The following TSHZ2 variants were observed in gnomAD, a reference collection of about 807,000 sequenced individuals.
The protein encoded by TSHZ2 is teashirt homolog 2.
TSHZ2 carries 21 observed loss-of-function variants against 74.4 expected under a neutral mutation model. That is an observed-to-expected ratio of 0.28 (90% confidence interval 0.20 to 0.41). The LOEUF is 0.41. TSHZ2 is among the 10% of genes least tolerant of loss of function. The pLI is 1.00. For synonymous variants in TSHZ2, 540 were observed against 515.3 expected (o/e 1.05, Z -0.65); for missense variants, 1,244 against 1,293.5 (o/e 0.96, Z 0.59).
chr20:53,417,262 ACACACAC>A (rs1243897013), intron 2 of TSHZ2, among the ~76,000 whole-genome samples: 5 of 151,000 alleles, frequency 3.3e-5, no homozygotes, highest in African/African-American at 9.8e-5. Flanking sequence ...ACACACACAC[ACACACAC>A]ACACACACAC....
intron 2 of TSHZ2, among the ~76,000 whole-genome samples, chr20:53,266,778 T>A (rs1238771907): frequency 2.7e-5 from 4 of 147,428 alleles, no homozygotes; most frequent in African/African-American, 1.0e-4. Flanking sequence ...GACGATTTTT[T>A]TTTTTTTTTT....
intron 2 of TSHZ2, among the ~76,000 whole-genome samples, chr20:53,465,307 G>A (rs1264289573): frequency 6.6e-6 from 1 of 152,076 alleles, no homozygotes; most frequent in African/African-American, 2.4e-5. Flanking sequence ...GTCTCGCTCT[G>A]TCACCCAGGC....
intron 2 of TSHZ2, among the ~76,000 whole-genome samples, chr20:53,486,094 C>G (rs1986283737): frequency 2.0e-5 from 3 of 152,146 alleles, no homozygotes; most frequent in Admixed American, 6.5e-5. Flanking sequence ...ATTCCTCTTT[C>G]TGTTTCTATG....
At chr20:53,156,838 A>C (rs542416898) in intron 1 of TSHZ2, among the ~76,000 whole-genome samples, 5 of 152,250 alleles carry the variant, frequency 3.3e-5, no homozygotes, top group African/African-American at 1.2e-4. Flanking sequence ...AGATTATAAG[A>C]TAACGTTTCT....
chr20:53,346,865 TAC>T (rs1672724598), intron 2 of TSHZ2, among the ~76,000 whole-genome samples: 1 of 152,310 alleles, frequency 6.6e-6, no homozygotes, highest in African/African-American at 2.4e-5. Context: ...CCCCCACAGA[TAC>T]ACAGAGTCTC....
chr20:53,367,609 C>T (rs1008696491), intron 2 of TSHZ2, among the ~76,000 whole-genome samples: 1 of 151,834 alleles, frequency 6.6e-6, no homozygotes, highest in African/African-American at 2.4e-5. Context: ...CTCACTCTGT[C>T]ACCCAGGCTG....
At chr20:52,988,841 C>T (rs1391644150) in intron 1 of TSHZ2, among the ~76,000 whole-genome samples, 1 of 152,152 alleles carries the variant, frequency 6.6e-6, no homozygotes, top group Non-Finnish European at 1.5e-5. Context: ...GAGGATGTGG[C>T]CTTAAGTCAG....
chr20:53,160,745 C>CAAAAAAAAAAAAAAAAAAAAAAAAAAA (rs10653039), intron 1 of TSHZ2, among the ~76,000 whole-genome samples: 11 of 95,832 alleles, frequency 1.1e-4, no homozygotes, highest in African/African-American at 4.2e-4. Context: ...ACTCTGTCTC[C>CAAAAAAAAAAAAAAAAAAAAAAAAAAA]AAAAAAAAAA....
chr20:53,015,047 C>T (rs1438478790), intron 1 of TSHZ2, among the ~76,000 whole-genome samples: 1 of 152,122 alleles, frequency 6.6e-6, no homozygotes, highest in African/African-American at 2.4e-5. Flanking sequence ...GCATGGTGGC[C>T]ACTGTCTTTC....
At chr20:53,485,470 A>G (rs1986267113) in intron 2 of TSHZ2, among the ~76,000 whole-genome samples, 1 of 152,178 alleles carries the variant, frequency 6.6e-6, no homozygotes, top group African/African-American at 2.4e-5. Flanking sequence ...GCTCTTTGGG[A>G]GGCTGAGGCA....
chr20:53,094,914 G>C (rs1186914448), intron 1 of TSHZ2, among the ~76,000 whole-genome samples: 2 of 152,192 alleles, frequency 1.3e-5, no homozygotes, highest in African/African-American at 4.8e-5. Flanking sequence ...GAAATCTCCT[G>C]TAAATAATGC....
intron 1 of TSHZ2, among the ~76,000 whole-genome samples, chr20:53,107,791 C>G (rs1270048750): frequency 6.6e-6 from 1 of 151,776 alleles, no homozygotes; most frequent in African/African-American, 2.4e-5. Flanking sequence ...TGTAGGGGGC[C>G]CCTGTGGAAT....
At chr20:53,259,407 G>A (rs914148199) in intron 2 of TSHZ2, among the ~76,000 whole-genome samples, 1 of 152,142 alleles carries the variant, frequency 6.6e-6, no homozygotes, top group Non-Finnish European at 1.5e-5. Flanking sequence ...TATTAAGTGT[G>A]CATCTCTATT....
chr20:53,064,691 C>A (rs1984923220), intron 1 of TSHZ2, among the ~76,000 whole-genome samples: 1 of 150,138 alleles, frequency 6.7e-6, no homozygotes, highest in Non-Finnish European at 1.5e-5. Context: ...GACAGAGAAA[C>A]ACACACACAC....
At chr20:53,109,664 C>G (rs139809612) in intron 1 of TSHZ2, among the ~76,000 whole-genome samples, 1 of 152,316 alleles carries the variant, frequency 6.6e-6, no homozygotes, top group Non-Finnish European at 1.5e-5. Context: ...CGATATTTCC[C>G]TTTCTAAAAG....
At chr20:53,437,464 C>T (rs780233383) in intron 2 of TSHZ2, among the ~76,000 whole-genome samples, 5 of 151,930 alleles carry the variant, frequency 3.3e-5, no homozygotes, top group Middle Eastern at 3.2e-3. Context: ...CAGAGCAAGA[C>T]TCCATCTAAA....
chr20:53,268,571 T>G (rs1426417632), intron 2 of TSHZ2, among the ~76,000 whole-genome samples: 1 of 152,226 alleles, frequency 6.6e-6, no homozygotes, highest in Non-Finnish European at 1.5e-5. Context: ...GCCTCTTCTT[T>G]CCCTGTGATG....
intron 1 of TSHZ2, among the ~76,000 whole-genome samples, chr20:53,069,320 G>A (rs534905585): frequency 6.6e-6 from 1 of 152,274 alleles, no homozygotes; most frequent in East Asian, 1.9e-4. Context: ...ACTGAAGACT[G>A]CTGGACCGTG....
intron 1 of TSHZ2, among the ~76,000 whole-genome samples, chr20:53,127,244 TA>T (rs1220910696): frequency 2.0e-5 from 3 of 152,210 alleles, no homozygotes; most frequent in African/African-American, 7.2e-5. Context: ...AAACTAAAAA[TA>T]TATTCAATGA....
Sources: gnomAD v4.1 joint callset for allele counts (sites outside exome capture counted in the v4.1 genomes callset) on GRCh38, gnomAD v4.1.1 for gene constraint, MANE v1.5 for transcripts, NCBI Gene and HGNC (gene_info 2026-07-23, HGNC 2026-07-21) for gene names.